The following ZNF44 variants were observed in gnomAD, a reference collection of about 807,000 sequenced individuals.
The protein encoded by ZNF44 is gonadotropin inducible transcription repressor-2.
In ZNF44, 9 loss-of-function variants were observed where a neutral mutation model predicts 11.7. The observed-to-expected ratio is 0.77, with a 90% CI of 0.46 to 1.35. The LOEUF (loss-of-function observed/expected upper bound fraction) is 1.35. Among genes scored for constraint, ZNF44 ranks in the 40% most tolerant of loss-of-function variants. The pLI is 0.00. For synonymous variants in ZNF44, 224 were observed against 242.7 expected (o/e 0.92, Z 0.72); for missense variants, 696 against 743.1 (o/e 0.94, Z 0.74).
At chr19:12,281,252 A>G (rs1234396598) in intron 1 of ZNF44, among the ~76,000 whole-genome samples, 1 of 152,202 alleles carries the variant, frequency 6.6e-6, no homozygotes. Context: ...ATCATATTAG[A>G]ATTAATGTAA....
chr19:12,267,667 C>T (rs986554760), downstream of ZNF44, among the ~76,000 whole-genome samples: 15 of 151,978 alleles, frequency 9.9e-5, no homozygotes, highest in African/African-American at 3.6e-4. Context: ...CTGTTCCCAC[C>T]TCATGTGGGA....
downstream of ZNF44, among the ~76,000 whole-genome samples, chr19:12,246,601 CTGACT>C (rs1472868248): frequency 1.3e-5 from 2 of 152,126 alleles, no homozygotes; most frequent in Non-Finnish European, 1.5e-5. Context: ...ATTTTATTAA[CTGACT>C]TAAGGAAAAA....
chr19:12,240,543 C>T (rs1261161044), upstream of ZNF44, among the ~76,000 whole-genome samples: 5 of 151,878 alleles, frequency 3.3e-5, no homozygotes, highest in South Asian at 2.1e-4. Context: ...CAAAGACTCA[C>T]GCTTCCTGAT....
intron 1 of ZNF44, among the ~76,000 whole-genome samples, chr19:12,279,864 TAA>T (rs60621062): frequency 2.5e-5 from 3 of 121,278 alleles, no homozygotes; most frequent in Admixed American, 7.9e-5. Flanking sequence ...TGGTCTGAGT[TAA>T]AAAAAAAAAG....
At chr19:12,253,152 G>C (rs775272828) in intron 5 of ZNF44, among the ~76,000 whole-genome samples, 1 of 149,218 alleles carries the variant, frequency 6.7e-6, no homozygotes, top group Non-Finnish European at 1.5e-5. Flanking sequence ...GCCGCCCGAA[G>C]TGCTGGGATT....
chr19:12,283,307 G>T (rs1467780291), intron 1 of ZNF44, among the ~76,000 whole-genome samples: 1 of 152,044 alleles, frequency 6.6e-6, no homozygotes, highest in Non-Finnish European at 1.5e-5. Flanking sequence ...GACAAAAGCA[G>T]CACACTTTTA....
intron 7 of ZNF44, among the ~76,000 whole-genome samples, chr19:12,248,894 CTCTT>C (rs1178504548): frequency 7.0e-6 from 1 of 142,734 alleles, no homozygotes; most frequent in African/African-American, 2.7e-5. Context: ...ATATGGGTTT[CTCTT>C]TTTTTTTTTT....
intron 1 of ZNF44, among the ~76,000 whole-genome samples, chr19:12,292,303 C>T (rs867862656): frequency 6.6e-6 from 1 of 152,082 alleles, no homozygotes; most frequent in Non-Finnish European, 1.5e-5. Flanking sequence ...GAGGGAGACC[C>T]TGTCTTATAA....
intron 2 of ZNF44, among the ~76,000 whole-genome samples, chr19:12,232,623 T>G (rs2145676253): frequency 6.6e-6 from 1 of 152,312 alleles, no homozygotes; most frequent in African/African-American, 2.4e-5. Flanking sequence ...AACCCTGAGT[T>G]GACACAGCAC....
chr19:12,271,391 C>T (rs1966943539), downstream of ZNF44, among the ~76,000 whole-genome samples: 1 of 152,192 alleles, frequency 6.6e-6, no homozygotes, highest in African/African-American at 2.4e-5. Context: ...CAGATGCTGA[C>T]ATTAGTATTA....
intron 5 of ZNF44, chr19:12,266,290 AG>A (rs768325950): frequency 1.0e-5 from 10 of 985,298 alleles, no homozygotes; most frequent in Non-Finnish European, 1.2e-5. Context: ...CCTGGACTCC[AG>A]GGTGTCCCAG....
upstream of ZNF44, among the ~76,000 whole-genome samples, chr19:12,239,803 G>A (rs899747024): frequency 6.6e-6 from 1 of 151,022 alleles, no homozygotes; most frequent in Non-Finnish European, 1.5e-5. Context: ...TGGAACTCCT[G>A]ACCTCGTGCT....
At chr19:12,275,840 G>A in intron 2 of ZNF44, 116 bp downstream of exon 2, 1 of 1,326,632 alleles carries the variant, frequency 7.5e-7, no homozygotes. Flanking sequence ...ACTTCACCCT[G>A]TGTTGTTCAG....
intron 1 of ZNF44, among the ~76,000 whole-genome samples, chr19:12,290,400 A>C (rs530415406): frequency 6.1e-5 from 9 of 147,174 alleles, no homozygotes; most frequent in South Asian, 4.3e-4. Flanking sequence ...TTAAACAAAA[A>C]AAAAAAAAAG....
chr19:12,238,645 A>AAAAC (rs1916491236), upstream of ZNF44, among the ~76,000 whole-genome samples: 1 of 146,938 alleles, frequency 6.8e-6, no homozygotes, highest in Non-Finnish European at 1.5e-5. Flanking sequence ...AAAAAAAAAA[A>AAAAC]AATAGCTGGG....
In ZNF44 at chr19:12,294,706, G is replaced by T; in HGVS notation, c.-12C>A. 1 of 1,558,504 alleles carries T rather than the reference G, an allele frequency of 6.4e-7. No individual in the cohort carries two copies. Among genetic ancestry groups the T allele is most frequent in the Non-Finnish European group, 8.7e-7 (1 of 1,152,054 alleles). On this transcript the variant is annotated 5_prime_UTR_variant, in exon 1 of 4. Coordinates refer to ENST00000355684, the MANE Select transcript of ZNF44 (RefSeq NM_016264.4). Reference sequence around the variant, plus strand: ...CGCACACTCACCATTTCCCGGCTGTGCGGTGTCCCGGGTCCTCCCAACTCC... The same window carrying T: ...CGCACACTCACCATTTCCCGGCTGTTCGGTGTCCCGGGTCCTCCCAACTCC...
rs1393732000 is a variant in ZNF44, at chr19:12,273,170, T to C, written c.1085A>G (p.Glu362Gly). The change falls in exon 4 of 4, where the codon GAG (glutamate) becomes GGG (glycine). Residue 362 changes from glutamate (E) to glycine (G), a missense_variant. By Grantham distance (98) the Glu-to-Gly change is moderately conservative (BLOSUM62 -2). Transcript: ENST00000355684. Reference protein sequence around the residue: ...ARIHEGTHTLEKPYECKQCGK... With the variant: ...ARIHEGTHTLGKPYECKQCGK... ...ACATTGCTTACATTCATAGGGTTTC[T>C]CTAGAGTGTGAGTTCCTTCATGAAT... is the stretch of plus-strand genomic sequence containing the variant. 3 of 1,613,898 alleles carry C rather than the reference T, an allele frequency of 1.9e-6. No homozygotes were observed. Among genetic ancestry groups the C allele is most frequent in the East Asian group, 4.5e-5 (2 of 44,896 alleles).
downstream of ZNF44, among the ~76,000 whole-genome samples, chr19:12,267,504 C>T (rs543392539): frequency 1.1e-4 from 16 of 152,296 alleles, no homozygotes; most frequent in South Asian, 2.7e-3. Flanking sequence ...GCAGTCTACA[C>T]TGCACTACCA....
chr19:12,225,667 T>C (rs1026878041), downstream of ZNF44, among the ~76,000 whole-genome samples: 7 of 152,176 alleles, frequency 4.6e-5, no homozygotes, highest in African/African-American at 1.4e-4. Context: ...CTACTGCAAA[T>C]AGTAGAGTGA....
Sources: gnomAD v4.1 joint callset for allele counts (sites outside exome capture counted in the v4.1 genomes callset) on GRCh38, gnomAD v4.1.1 for gene constraint, MANE v1.5 for transcripts, NCBI Gene and HGNC (gene_info 2026-07-23, HGNC 2026-07-21) for gene names.